Variants in TMEM163 observed in about 807,000 individuals in gnomAD.
The protein encoded by TMEM163 is transmembrane protein 163.
In TMEM163, 17 loss-of-function variants were observed where a neutral mutation model predicts 29.3. The observed-to-expected ratio is 0.58, with a 90% CI of 0.40 to 0.87. TMEM163 has a LOEUF of 0.87. Ranked by LOEUF, TMEM163 falls within the 40% of genes least tolerant of loss-of-function variation. The probability of loss-of-function intolerance (pLI) is 0.00; values close to 1 mark genes in which losing one functional copy is unlikely to be tolerated. For missense variants in TMEM163, 303 were observed against 381.5 expected (o/e 0.79, Z 1.71); for synonymous variants, 157 against 160.6 (o/e 0.98, Z 0.17).
intron 4 of TMEM163, among the ~76,000 whole-genome samples, chr2:134,540,596 A>G (rs1680643308): frequency 6.6e-6 from 1 of 152,340 alleles, no homozygotes; most frequent in African/African-American, 2.4e-5. Context: ...GCAAATGACC[A>G]TTTGGAGAGA....
intron 4 of TMEM163, among the ~76,000 whole-genome samples, chr2:134,516,780 C>CATATATATATGCATATATATGGAT (rs6146922): frequency 7.2e-6 from 1 of 139,460 alleles, no homozygotes; most frequent in Non-Finnish European, 1.5e-5. Context: ...CATATCTATT[C>CATATATATATGCATATATATGGAT]ATATATATAT....
rs541719492 is a variant in TMEM163 at position 134,598,853 on chromosome 2, G to A, written c.323-46762C>T. 4.0e-5 allele frequency among the ~76,000 whole-genome samples: 6 copies of A among 151,704 alleles called. No individual in the cohort carries two copies. The South Asian group carries it at 1.3e-3, about 32-fold the overall frequency. On this transcript the variant is annotated intron_variant, in intron 2 of 7. Transcript: ENST00000281924. ...CATAATTGCTTGAACCTGGGAGGTG[G>A]GGGGTTGCAGTGAGCCTAGATAGTG... is the stretch of plus-strand genomic sequence containing the variant.
chr2:134,495,406 C>T (rs942192707), intron 5 of TMEM163, among the ~76,000 whole-genome samples: 2 of 152,220 alleles, frequency 1.3e-5, no homozygotes, highest in East Asian at 1.9e-4. Context: ...AGAAGGCAGG[C>T]GAGGCTGTCT....
chr2:134,529,991 G>A (rs2106498702), intron 4 of TMEM163, among the ~76,000 whole-genome samples: 1 of 152,170 alleles, frequency 6.6e-6, no homozygotes, highest in East Asian at 1.9e-4. Flanking sequence ...TGGCATCAGT[G>A]CCTGCCAAGG....
rs867764698 is a variant in TMEM163, at chr2:134,682,694, G to A, written c.322+30506C>T. 2.0e-5 allele frequency among the ~76,000 whole-genome samples: 3 copies of A among 152,148 alleles called. No homozygotes were observed. The South Asian group carries it at 6.2e-4, about 32-fold the overall frequency. On this transcript the variant is annotated intron_variant, in intron 2 of 7. Coordinates refer to ENST00000281924, the MANE Select transcript of TMEM163 (RefSeq NM_030923.5). ...AGGAACCCTCATTCATTACTGCCGG[G>A]AATACAAAATGGTGCAGCCACTTTG...
intron 4 of TMEM163, among the ~76,000 whole-genome samples, chr2:134,528,832 C>T (rs1680350770): frequency 6.6e-6 from 1 of 152,156 alleles, no homozygotes; most frequent in South Asian, 2.1e-4. Context: ...AAGCCCTTCA[C>T]TGCTATGTTA....
chr2:134,631,239 C>A (rs184326507), intron 2 of TMEM163, among the ~76,000 whole-genome samples: 4 of 152,160 alleles, frequency 2.6e-5, no homozygotes, highest in Non-Finnish European at 5.9e-5. Context: ...GGGAAGGGTC[C>A]TAGATAAGCA....
chr2:134,603,288 A>G (rs979373532), intron 2 of TMEM163, among the ~76,000 whole-genome samples: 2 of 152,186 alleles, frequency 1.3e-5, no homozygotes, highest in African/African-American at 4.8e-5. Flanking sequence ...AAGTTCAAAA[A>G]CCATAAACAT....
intron 2 of TMEM163, among the ~76,000 whole-genome samples, chr2:134,709,600 T>C (rs1162081619): frequency 6.6e-6 from 1 of 152,174 alleles, no homozygotes; most frequent in East Asian, 1.9e-4. Flanking sequence ...TTATAGGAGA[T>C]GAAGGGTAAC....
At chr2:134,681,195 T>C (rs184219893) in intron 2 of TMEM163, among the ~76,000 whole-genome samples, 2 of 152,306 alleles carry the variant, frequency 1.3e-5, no homozygotes, top group East Asian at 1.9e-4. Flanking sequence ...CACCCAGCAG[T>C]GCACCCCACT....
At chr2:134,581,388 C>T (rs184952281) in intron 2 of TMEM163, among the ~76,000 whole-genome samples, 69 of 152,254 alleles carry the variant, frequency 4.5e-4, no homozygotes, top group African/African-American at 1.5e-3. Flanking sequence ...ATGCAAATAG[C>T]CTTAGCAACA....
intron 2 of TMEM163, among the ~76,000 whole-genome samples, chr2:134,684,489 C>T (rs1470263788): frequency 6.6e-6 from 1 of 152,128 alleles, no homozygotes; most frequent in Non-Finnish European, 1.5e-5. Flanking sequence ...AAGAGGTTTT[C>T]TTCTGAGGGA....
At chr2:134,713,405 GCAAACTAACAGCCCGTGGGC>G in intron 1 of TMEM163, 86 bp from the exon 2 acceptor site, 1 of 1,577,872 alleles carries the variant, frequency 6.3e-7, no homozygotes. Context: ...CCCAAAGATT[GCAAACTAACAGCCCGTGGGC>G]CAAGACGTGT....
At chr2:134,671,903 A>G (rs1435490990) in intron 2 of TMEM163, among the ~76,000 whole-genome samples, 2 of 152,206 alleles carry the variant, frequency 1.3e-5, no homozygotes, top group Non-Finnish European at 2.9e-5. Context: ...CAACTCTTAT[A>G]GGGCTACTGT....
chr2:134,512,283 C>A (rs1391226556), intron 4 of TMEM163, among the ~76,000 whole-genome samples: 1 of 152,096 alleles, frequency 6.6e-6, no homozygotes, highest in African/African-American at 2.4e-5. Context: ...CATGGTGAAA[C>A]CCCATCTCTA....
intron 2 of TMEM163, among the ~76,000 whole-genome samples, chr2:134,699,102 G>T (rs1684640307): frequency 6.6e-6 from 1 of 152,110 alleles, no homozygotes; most frequent in South Asian, 2.1e-4. Context: ...AACAACTCTG[G>T]AATCAAGTAT....
At position 134,674,197 on chromosome 2, in the gene TMEM163, A is replaced by T. The variant is rs1024769241; in HGVS notation, c.322+39003T>A. 9.2e-5 allele frequency among the ~76,000 whole-genome samples: 14 copies of T among 152,150 alleles called. 1 individual carries two copies. The highest frequency in any genetic ancestry group is 3.4e-4 in the African/African-American group (14 of 41,428). Reference sequence around the variant, plus strand: ...ATACTTTCTGTACATAAATCACATCATACTATACACACTGCTCTCTAACCT... The same window carrying T: ...ATACTTTCTGTACATAAATCACATCTTACTATACACACTGCTCTCTAACCT... On this transcript the variant is annotated intron_variant, in intron 2 of 7. Coordinates refer to ENST00000281924, the MANE Select transcript of TMEM163 (RefSeq NM_030923.5).
At chr2:134,642,151 G>A (rs981688906) in intron 2 of TMEM163, among the ~76,000 whole-genome samples, 7 of 151,326 alleles carry the variant, frequency 4.6e-5, no homozygotes, top group Non-Finnish European at 7.4e-5. Context: ...CTGAAATGGA[G>A]TCTTGCTCTG....
At chr2:134,717,905 C>G (rs1168759321) in intron 1 of TMEM163, among the ~76,000 whole-genome samples, 3 of 152,166 alleles carry the variant, frequency 2.0e-5, no homozygotes, top group African/African-American at 7.2e-5. Context: ...GGAGTCTCTC[C>G]CGTCCTACAC....
Sources: gnomAD v4.1 joint callset for allele counts (sites outside exome capture counted in the v4.1 genomes callset) on GRCh38, gnomAD v4.1.1 for gene constraint, MANE v1.5 for transcripts, NCBI Gene and HGNC (gene_info 2026-07-23, HGNC 2026-07-21) for gene names.